DOCK8: variants seen among roughly 807,000 people sequenced by gnomAD.
DOCK8 encodes the protein dedicator of cytokinesis 8, also known as dedicator of cytokinesis protein 8.
DOCK8 carries 141 observed loss-of-function variants against 245.6 expected under a neutral mutation model. That is an observed-to-expected ratio of 0.57 (90% CI 0.50 to 0.66). The LOEUF (loss-of-function observed/expected upper bound fraction) is 0.66, where lower values mean the gene tolerates loss of function less well. DOCK8 is among the 30% of genes least tolerant of loss of function. The pLI, the probability that DOCK8 is intolerant of heterozygous loss-of-function variation, is 0.00. For missense variants in DOCK8, 2,965 were observed against 2,603.4 expected, an observed-to-expected ratio of 1.14 and a Z score of -3.02; for synonymous variants, 1,168 against 970.2, an observed-to-expected ratio of 1.20 and a Z score of -3.79.
chr9:463,804 A>G, intron 47 of DOCK8, 117 bp downstream of exon 47: 2 of 1,232,486 alleles, frequency 1.6e-6, no homozygotes, highest in Non-Finnish European at 2.3e-6. Context: ...AAAGGGTGGA[A>G]GAGGGTCCCA....
chr9:274,636 A>C (rs1470592017), intron 2 of DOCK8, among the ~76,000 whole-genome samples: 1 of 150,852 alleles, frequency 6.6e-6, no homozygotes, highest in Non-Finnish European at 1.5e-5. Context: ...GAAATCATCA[A>C]CTTATGTGGT....
intron 5 of DOCK8, among the ~76,000 whole-genome samples, chr9:306,583 A>G (rs576536627): frequency 6.6e-6 from 1 of 152,262 alleles, no homozygotes; most frequent in East Asian, 1.9e-4. Flanking sequence ...CATTATGGGA[A>G]ACAGCACACC....
At chr9:247,641 C>T (rs992161677) in intron 1 of DOCK8, among the ~76,000 whole-genome samples, 1 of 152,128 alleles carries the variant, frequency 6.6e-6, no homozygotes, top group Non-Finnish European at 1.5e-5. Flanking sequence ...TCACGCCCTT[C>T]TCCGGCCTCA....
At chr9:443,337 A>G (rs1250117244) in intron 42 of DOCK8, 90 bp from the exon 43 acceptor site, 2 of 1,232,318 alleles carry the variant, frequency 1.6e-6, no homozygotes, top group African/African-American at 3.0e-5. Context: ...TCTACCTTGC[A>G]CTTGCTCCAA....
chr9:386,232 AT>A lies in DOCK8; in HGVS notation c.2779-98del, dbSNP rs1178511079. The stretch of plus-strand genomic sequence containing the variant: ...TTTACCTTTGTAACCAGGAAAAAAA[AT>A]ATGTATAAAAAAATGAATTCTGAGG... On this transcript the variant is annotated intron_variant, in intron 22 of 47. Transcript: ENST00000432829. 57 of 1,003,282 alleles carry A rather than the reference AT, an allele frequency of 5.7e-5. No individual in the cohort carries two copies. In the South Asian group the frequency reaches 7.1e-4, roughly 12 times the overall value. The allele number at this position is 1,003,282 out of a possible 1,614,324, so 62.1% of individuals were successfully genotyped here.
chr9:222,017 T>C (rs1273090713), intron 1 of DOCK8, among the ~76,000 whole-genome samples: 2 of 151,950 alleles, frequency 1.3e-5, no homozygotes, highest in South Asian at 2.1e-4. Flanking sequence ...CCCGGTGCTT[T>C]GGGAGGCAGA....
intron 33 of DOCK8, among the ~76,000 whole-genome samples, chr9:425,864 C>A (rs1391434296): frequency 6.6e-6 from 1 of 151,900 alleles, no homozygotes; most frequent in Non-Finnish European, 1.5e-5. Flanking sequence ...GAGAGCCTAT[C>A]CTAAACATGA....
At chr9:271,092 G>A (rs1453684290) in intron 1 of DOCK8, among the ~76,000 whole-genome samples, 1 of 152,158 alleles carries the variant, frequency 6.6e-6, no homozygotes, top group African/African-American at 2.4e-5. Flanking sequence ...AGGAGCAGTT[G>A]GGAAAAAATA....
chr9:384,910 C>T (rs1464004875), intron 22 of DOCK8, among the ~76,000 whole-genome samples: 6 of 152,076 alleles, frequency 3.9e-5, no homozygotes, highest in African/African-American at 7.2e-5. Context: ...AGCGAGACTA[C>T]GTCTAAAAAA....
At chr9:341,462 CATT>C (rs979365817) in intron 14 of DOCK8, among the ~76,000 whole-genome samples, 1 of 152,160 alleles carries the variant, frequency 6.6e-6, no homozygotes, top group African/African-American at 2.4e-5. Context: ...CCAGAAATGA[CATT>C]GTTGTTTTCT....
At chr9:322,853 G>C (rs1019515977) in intron 7 of DOCK8, among the ~76,000 whole-genome samples, 26 of 152,142 alleles carry the variant, frequency 1.7e-4, no homozygotes, top group Non-Finnish European at 8.8e-5. Flanking sequence ...AGTACTTTGG[G>C]AGGCTGAGGC....
At chr9:398,337 TC>T (rs2054561605) in intron 25 of DOCK8, among the ~76,000 whole-genome samples, 1 of 152,312 alleles carries the variant, frequency 6.6e-6, no homozygotes, top group South Asian at 2.1e-4. Context: ...TCCCCATCCA[TC>T]CCAGTGACTT....
At chr9:333,412 C>T (rs1815360) in intron 10 of DOCK8, among the ~76,000 whole-genome samples, 75,153 of 151,858 alleles carry the variant, frequency 0.49, 19,111 homozygotes, top group East Asian at 0.63. Flanking sequence ...CCATCCTGGC[C>T]AACACGGTGA....
intron 4 of DOCK8, among the ~76,000 whole-genome samples, chr9:299,661 C>T (rs558880170): frequency 1.2e-4 from 18 of 151,880 alleles, no homozygotes; most frequent in Middle Eastern, 3.4e-3. Context: ...ATTTAGCCTG[C>T]GTTTCACCCA....
intron 2 of DOCK8, among the ~76,000 whole-genome samples, chr9:277,438 G>A (rs968326625): frequency 4.6e-4 from 57 of 122,902 alleles, no homozygotes; most frequent in African/African-American, 1.9e-3. Context: ...AAAGAAAAGA[G>A]AAGAGAGGAG....
At chr9:316,148 G>T (rs981308413) in intron 6 of DOCK8, among the ~76,000 whole-genome samples, 1 of 152,226 alleles carries the variant, frequency 6.6e-6, no homozygotes, top group African/African-American at 2.4e-5. Context: ...TTGCAAGAAT[G>T]TTAAGCTTGC....
At chr9:317,483 C>T (rs1266802436) in intron 7 of DOCK8, among the ~76,000 whole-genome samples, 1 of 152,158 alleles carries the variant, frequency 6.6e-6, no homozygotes, top group African/African-American at 2.4e-5. Flanking sequence ...CATATCTCTT[C>T]CTGGGTTCGG....
Position 379,799 on chromosome 9 carries a change from C to T in DOCK8, c.2469C>T (p.Ser823=), listed in dbSNP as rs781396858. The change falls in exon 21 of 48, where the codon TCC becomes TCT. Residue 823 remains serine (S), a synonymous_variant. Coordinates refer to ENST00000432829, the MANE Select transcript of DOCK8 (RefSeq NM_203447.4). ...ACTTCTCCCAGTTTGCCTTCGAGTC[C>T]GTGGTGGCCATCGCCAACAGTCTGC... is the stretch of plus-strand genomic sequence containing the variant. The part of the protein sequence containing the change: ...TANFSQFAFE[S]VVAIANSLHN... The T allele has an allele frequency of 1.2e-5, 20 of 1,614,064 alleles. No homozygotes were observed. The East Asian group carries it at 1.6e-4, about 13-fold the overall frequency.
chr9:378,892 A>G (rs1420609158), intron 20 of DOCK8, among the ~76,000 whole-genome samples: 1 of 152,232 alleles, frequency 6.6e-6, no homozygotes, highest in African/African-American at 2.4e-5. Flanking sequence ...TCACAGACAG[A>G]CAGTTTACCA....
Sources: allele counts gnomAD v4.1 joint callset (sites outside exome capture counted in the v4.1 genomes callset), GRCh38; gene constraint gnomAD v4.1.1; transcripts MANE v1.5; gene names NCBI Gene and HGNC (gene_info 2026-07-23, HGNC 2026-07-21).